C17orf78: variants seen among roughly 807,000 people sequenced by gnomAD.
The protein encoded by C17orf78 is chromosome 17 open reading frame 78.
A neutral mutation model predicts 31.8 loss-of-function variants in C17orf78; 27 were observed. The ratio of observed to expected loss-of-function variants is 0.85; its 90% CI spans 0.63 to 1.17. C17orf78 has a LOEUF of 1.17. Ranked by LOEUF, C17orf78 falls within the 50% of genes most tolerant of loss-of-function variation. The probability of loss-of-function intolerance (pLI) is 0.00; values close to 1 mark genes in which losing one functional copy is unlikely to be tolerated. For missense variants in C17orf78, 258 were observed against 315.2 expected (o/e 0.82, Z 1.37); for synonymous variants, 106 against 115.1 (o/e 0.92, Z 0.51).
chr17:37,390,304 T>TTATATATATATA (rs1189193698), intron 6 of C17orf78, among the ~76,000 whole-genome samples: 4 of 17,974 alleles, frequency 2.2e-4, no homozygotes, highest in Non-Finnish European at 3.2e-4. Context: ...TTATACATAA[T>TTATATATATATA]TATATATATA....
intron 3 of C17orf78, among the ~76,000 whole-genome samples, chr17:37,381,917 GCAC>G (rs2050306952): frequency 6.6e-6 from 1 of 151,982 alleles, no homozygotes; most frequent in South Asian, 2.1e-4. Context: ...GTGAGCCACT[GCAC>G]CCGGCCATGT....
Position 37,389,338 on chromosome 17 carries a change from C to G in C17orf78, c.726C>G (p.Ser242=), listed in dbSNP as rs765041788. The change falls in exon 6 of 7, where the codon TCC becomes TCG. Residue 242 remains serine, a synonymous_variant. Transcript: ENST00000615133. ...GCCAGCCACCTGGGACAGCTGAATC[C>G]AAGCCTGACTCTCAGCCCCAGAAGG... ...KGGQPPGTAE[S]KPDSQPQKVG... is the part of the protein sequence containing the mutation. 41 of 1,590,920 alleles carry G rather than the reference C, an allele frequency of 2.6e-5. No homozygotes were observed. Among genetic ancestry groups the G allele is most frequent in the Non-Finnish European group, 3.3e-5 (39 of 1,168,872 alleles).
At chr17:37,390,263 TTATATATAA>T in intron 6 of C17orf78, among the ~76,000 whole-genome samples, 1 of 66,292 alleles carries the variant, frequency 1.5e-5, no homozygotes, top group East Asian at 5.4e-4. Context: ...TTATATATAA[TTATATATAA>T]TATATTATAT....
chr17:37,391,755 A>G lies in C17orf78; in HGVS notation c.*31A>G. 1.3e-6 allele frequency: 2 copies of G among 1,562,996 alleles called. No homozygotes were observed. Among genetic ancestry groups the G allele is most frequent in the Non-Finnish European group, 1.8e-6 (2 of 1,134,204 alleles). On this transcript the variant is annotated 3_prime_UTR_variant, in exon 7 of 7. Transcript: ENST00000615133. ...TCTGCTCTATCTCAAAGACTGAATG[A>G]TACTACACAGTCCTCTCCCTATTAA...
chr17:37,381,541 G>A (rs751005618), intron 3 of C17orf78, among the ~76,000 whole-genome samples: 2 of 150,374 alleles, frequency 1.3e-5, no homozygotes, highest in African/African-American at 2.5e-5. Flanking sequence ...ATTTCAATAC[G>A]TATATATTTA....
intron 5 of C17orf78, 55 bp downstream of exon 5, chr17:37,388,849 GTTCCAGAGGCAGC>G (rs2050667085): frequency 6.3e-7 from 1 of 1,592,598 alleles, no homozygotes; most frequent in Non-Finnish European, 8.6e-7. Context: ...ACTTTCTTCT[GTTCCAGAGGCAGC>G]TTGGCATAAG....
chr17:37,388,915 A>G (rs2050669548), intron 5 of C17orf78, 121 bp downstream of exon 5: 4 of 1,298,554 alleles, frequency 3.1e-6, no homozygotes, highest in Non-Finnish European at 4.2e-6. Context: ...TGTGCCACTC[A>G]CACTCACTAG....
chr17:37,390,783 AC>A (rs1184728063), intron 6 of C17orf78, among the ~76,000 whole-genome samples: 1 of 149,232 alleles, frequency 6.7e-6, no homozygotes, highest in African/African-American at 2.5e-5. Flanking sequence ...AAAGGGTGAG[AC>A]CCTGTGTCCA....
chr17:37,388,701 A>T lies in C17orf78; in HGVS notation c.540A>T (p.Lys180Asn), dbSNP rs779917611. 1 of 1,612,454 alleles carries T rather than the reference A, an allele frequency of 6.2e-7. No individual in the cohort carries two copies. Reference sequence around the variant, plus strand: ...ATGAGAACCTAGAGAAGAGACAGAAATGGAGTATTGTGGTCAAAATTCTGA... The same window carrying T: ...ATGAGAACCTAGAGAAGAGACAGAATTGGAGTATTGTGGTCAAAATTCTGA... The part of the protein sequence containing the change: ...DTDENLEKRQ[K>N]WSIVVKILIA... Residue 180 changes from lysine to asparagine, a missense_variant, in exon 5 of 7, where the codon AAA (lysine) becomes AAT (asparagine). Lys to Asn is a moderately conservative substitution (Grantham distance 94). Coordinates refer to ENST00000615133, the MANE Select transcript of C17orf78 (RefSeq NM_173625.5).
rs146015300 is a variant in C17orf78 at position 37,383,374 on chromosome 17, A to T, written c.392-2635A>T. ...TGGTTAGCCTCCCAGAGAAAAAGAAACTCTTCCTCTTTCCTTCATAACATA... is the reference window on the plus strand; with the variant it reads ...TGGTTAGCCTCCCAGAGAAAAAGAATCTCTTCCTCTTTCCTTCATAACATA... On this transcript the variant is annotated intron_variant, in intron 3 of 6. Transcript: ENST00000615133. Among the ~76,000 whole-genome samples the T allele has an allele frequency of 5.4e-3, 814 of 151,960 alleles. 6 individuals carry two copies. Among genetic ancestry groups the T allele is most frequent in the Non-Finnish European group, 7.7e-3 (525 of 67,968 alleles).
At chr17:37,378,888 C>A (rs1448674763) in intron 2 of C17orf78, among the ~76,000 whole-genome samples, 1 of 152,108 alleles carries the variant, frequency 6.6e-6, no homozygotes, top group South Asian at 2.1e-4. Context: ...ACAGCAAGAC[C>A]CTGTCTTTTA....
intron 3 of C17orf78, among the ~76,000 whole-genome samples, chr17:37,384,954 G>T (rs2050461650): frequency 6.6e-6 from 1 of 152,218 alleles, no homozygotes; most frequent in Admixed American, 6.5e-5. Context: ...ACTAAAAATA[G>T]AACAGAAACC....
chr17:37,382,798 TG>T (rs2050359289), intron 3 of C17orf78, among the ~76,000 whole-genome samples: 1 of 152,124 alleles, frequency 6.6e-6, no homozygotes, highest in Non-Finnish European at 1.5e-5. Flanking sequence ...ATGCAGAGGT[TG>T]TAGGGAGCTG....
intron 3 of C17orf78, among the ~76,000 whole-genome samples, chr17:37,382,169 T>C (rs969301463): frequency 5.9e-5 from 9 of 152,154 alleles, no homozygotes; most frequent in African/African-American, 1.4e-4. Flanking sequence ...AGAAGCAGGA[T>C]TGTTGCATCA....
At chr17:37,381,672 G>T (rs2050269472) in intron 3 of C17orf78, among the ~76,000 whole-genome samples, 1 of 141,986 alleles carries the variant, frequency 7.0e-6, no homozygotes. Flanking sequence ...CCGTTGCCCA[G>T]GCTGGAGTGC....
At chr17:37,390,503 C>T (rs1186230471) in intron 6 of C17orf78, among the ~76,000 whole-genome samples, 2 of 146,820 alleles carry the variant, frequency 1.4e-5, no homozygotes, top group Admixed American at 7.1e-5. Flanking sequence ...GGTGTGCACC[C>T]GTAGTCCCAG....
At chr17:37,382,065 T>C (rs1171467627) in intron 3 of C17orf78, among the ~76,000 whole-genome samples, 2 of 152,176 alleles carry the variant, frequency 1.3e-5, no homozygotes, top group African/African-American at 4.8e-5. Flanking sequence ...TAAATTCTTT[T>C]CCCCTCTTTC....
At position 37,386,068 on chromosome 17, in the gene C17orf78, A is replaced by C. The variant is rs541668762; in HGVS notation, c.451A>C (p.Thr151Pro). Residue 151 changes from threonine to proline, a missense_variant, in exon 4 of 7, where the codon ACC becomes CCC. Physicochemically the swap from Thr to Pro is conservative, Grantham distance 38. Transcript: ENST00000615133. ...VLGASSETFPTTAPSITPGNK... is the reference protein window; with the variant it reads ...VLGASSETFPPTAPSITPGNK... ...GGGGGCTTCATCAGAGACTTTTCCC[A>C]CCACTGCCCCTTCTATAACTCCTGG... 6.2e-7 allele frequency: 1 copy of C among 1,606,496 alleles called. No homozygotes were observed.
chr17:37,379,204 T>G lies in C17orf78; in HGVS notation c.213T>G (p.Leu71=), dbSNP rs1469031319. ...GGACTATAGCTACCCTGCAGTGCCT[T>G]GGCTCTGACAGCAAAGTAAAAGTCA... The part of the protein sequence containing the change: ...QNRTIATLQC[L]GSDSKVKVNL... The change falls in exon 3 of 7, where the codon CTT becomes CTG. Residue 71 remains leucine (L), a synonymous_variant. Transcript: ENST00000615133. 6.2e-7 allele frequency: 1 copy of G among 1,613,916 alleles called. No homozygotes were observed. The highest frequency in any genetic ancestry group is 1.3e-5 in the African/African-American group (1 of 74,938).
Sources: allele counts gnomAD v4.1 joint callset (sites outside exome capture counted in the v4.1 genomes callset), GRCh38; gene constraint gnomAD v4.1.1; transcripts MANE v1.5; gene names NCBI Gene and HGNC (gene_info 2026-07-23, HGNC 2026-07-21).